The following PDE4D variants were observed in gnomAD, a reference collection of about 807,000 sequenced individuals.
PDE4D encodes the protein phosphodiesterase 4D.
PDE4D carries 24 observed loss-of-function variants against 87.4 expected under a neutral mutation model. That is an observed-to-expected ratio of 0.27 (90% CI 0.20 to 0.39). PDE4D has a LOEUF of 0.39. PDE4D is among the 10% of genes least tolerant of loss of function. The pLI is 1.00. For synonymous variants in PDE4D, 384 were observed against 383.2 expected (o/e 1.00, Z -0.02); for missense variants, 714 against 1,041.0 (o/e 0.69, Z 4.32).
chr5:60,500,240 GC>G (rs1750007495), intron 1 of PDE4D, among the ~76,000 whole-genome samples: 1 of 152,126 alleles, frequency 6.6e-6, no homozygotes, highest in Admixed American at 6.6e-5. Flanking sequence ...AAAGGTCGAG[GC>G]TGCAGTGAGC....
chr5:60,310,150 T>C (rs551806757), intron 1 of PDE4D, among the ~76,000 whole-genome samples: 1 of 152,292 alleles, frequency 6.6e-6, no homozygotes, highest in Non-Finnish European at 1.5e-5. Context: ...CCCTTTTCCT[T>C]CTTCAAATTC....
At chr5:60,392,910 C>T (rs553237081) in intron 1 of PDE4D, among the ~76,000 whole-genome samples, 1 of 152,340 alleles carries the variant, frequency 6.6e-6, no homozygotes, top group South Asian at 2.1e-4. Context: ...AGATTGTAAA[C>T]TTCTTATTCA....
At chr5:60,037,218 A>T (rs1767912265) in intron 2 of PDE4D, among the ~76,000 whole-genome samples, 1 of 152,196 alleles carries the variant, frequency 6.6e-6, no homozygotes, top group Admixed American at 6.5e-5. Flanking sequence ...GGCATTAGGG[A>T]ATATTACATG....
intron 2 of PDE4D, among the ~76,000 whole-genome samples, chr5:60,002,351 T>G (rs1248437385): frequency 6.6e-6 from 1 of 151,584 alleles, no homozygotes; most frequent in Non-Finnish European, 1.5e-5. Flanking sequence ...TTTTAAGAAT[T>G]AATACAAATG....
intron 1 of PDE4D, among the ~76,000 whole-genome samples, chr5:59,836,436 A>T (rs1742045084): frequency 6.6e-6 from 1 of 152,100 alleles, no homozygotes; most frequent in African/African-American, 2.4e-5. Context: ...AGAGATATCA[A>T]AAATAATCTC....
rs185102406 is a variant in PDE4D, at chr5:60,121,688, T to C, written c.42+63869A>G. Among the ~76,000 whole-genome samples the C allele has an allele frequency of 4.6e-5, 7 of 152,100 alleles. No homozygotes were observed. In the East Asian group the frequency reaches 1.4e-3, roughly 30 times the overall value. On this transcript the variant is annotated intron_variant, in intron 2 of 16. Transcript: ENST00000502484. The stretch of plus-strand genomic sequence containing the variant: ...TATGGGAGTACAATTCAAGATGAGA[T>C]TTGGGTGGGGACACGGAGCTAAACC...
At chr5:59,226,792 C>T (rs995438712) in intron 1 of PDE4D, among the ~76,000 whole-genome samples, 2 of 152,218 alleles carry the variant, frequency 1.3e-5, no homozygotes, top group East Asian at 3.9e-4. Context: ...ATCATGAGAA[C>T]TTCAAGTAGT....
intron 1 of PDE4D, among the ~76,000 whole-genome samples, chr5:59,334,091 A>G (rs878963337): frequency 6.6e-6 from 1 of 152,028 alleles, no homozygotes; most frequent in Non-Finnish European, 1.5e-5. Context: ...TTCCTCATAA[A>G]AGGCATACAA....
At chr5:59,758,488 T>G (rs1761562361) in intron 1 of PDE4D, among the ~76,000 whole-genome samples, 1 of 152,206 alleles carries the variant, frequency 6.6e-6, no homozygotes, top group Non-Finnish European at 1.5e-5. Context: ...TTGGAGAGTA[T>G]TTATGTCCTT....
chr5:59,751,447 G>A (rs1464332282), intron 1 of PDE4D, among the ~76,000 whole-genome samples: 1 of 152,192 alleles, frequency 6.6e-6, no homozygotes, highest in Non-Finnish European at 1.5e-5. Flanking sequence ...AAAGTGTTCA[G>A]TGCACATACT....
chr5:59,197,304 T>C (rs1296321786), intron 2 of PDE4D, among the ~76,000 whole-genome samples: 2 of 152,190 alleles, frequency 1.3e-5, no homozygotes, highest in Non-Finnish European at 2.9e-5. Flanking sequence ...CTTTTTTCCC[T>C]ATGAAAGCAT....
chr5:59,728,951 T>C (rs1393038174), intron 1 of PDE4D, among the ~76,000 whole-genome samples: 1 of 152,106 alleles, frequency 6.6e-6, no homozygotes, highest in African/African-American at 2.4e-5. Flanking sequence ...ATATTATGGC[T>C]CCCAGATGTT....
At chr5:60,056,617 A>G (rs549159814) in intron 2 of PDE4D, among the ~76,000 whole-genome samples, 3 of 152,122 alleles carry the variant, frequency 2.0e-5, no homozygotes, top group South Asian at 2.1e-4. Flanking sequence ...TCAAAGCACA[A>G]TGATATATTT....
chr5:60,482,370 T>C (rs568379062), intron 1 of PDE4D, among the ~76,000 whole-genome samples: 21 of 152,322 alleles, frequency 1.4e-4, no homozygotes, highest in Middle Eastern at 3.4e-3. Context: ...TGATACTTTG[T>C]TACAGCAGCC....
chr5:59,341,697 G>A (rs73092947), intron 1 of PDE4D, among the ~76,000 whole-genome samples: 2,677 of 152,204 alleles, frequency 0.018, 82 homozygotes, highest in African/African-American at 0.06. Flanking sequence ...TATGCATGGC[G>A]TAACTCCTAT....
In PDE4D at chr5:60,378,881, AAGAGAG is replaced by A. The variant is rs368224897; in HGVS notation, c.-90+109055_-90+109060del. Among the ~76,000 whole-genome samples, 142 of 151,030 alleles carry A rather than the reference AAGAGAG, an allele frequency of 9.4e-4. 1 individual carries two copies. Among genetic ancestry groups the A allele is most frequent in the Middle Eastern group, 6.8e-3 (2 of 294 alleles). ...AACTAAAAAGAAAAAGAAAGAAAGA[AAGAGAG>A]AGAGAGAGAGAAAGAAAGAAAGAAA... On this transcript the variant is annotated intron_variant, in intron 1 of 16. Coordinates refer to the PDE4D transcript ENST00000502484.
chr5:59,889,755 A>G (rs1378538431), intron 1 of PDE4D, among the ~76,000 whole-genome samples: 2 of 152,304 alleles, frequency 1.3e-5, no homozygotes, highest in Non-Finnish European at 1.5e-5. Context: ...TTAATCTGAT[A>G]TGTACATTTT....
chr5:59,654,137 C>T (rs1195372756), intron 1 of PDE4D, among the ~76,000 whole-genome samples: 4 of 151,930 alleles, frequency 2.6e-5, no homozygotes, highest in African/African-American at 7.3e-5. Context: ...GCCCATGAGG[C>T]GGAGGTTGCA....
chr5:60,186,835 A>G (rs114846392), intron 1 of PDE4D, among the ~76,000 whole-genome samples: 7 of 152,328 alleles, frequency 4.6e-5, no homozygotes, highest in Admixed American at 3.9e-4. Flanking sequence ...CAAAGTAACT[A>G]TGTATCATTT....
Sources: allele counts gnomAD v4.1 joint callset (sites outside exome capture counted in the v4.1 genomes callset), GRCh38; gene constraint gnomAD v4.1.1; transcripts MANE v1.5; gene names NCBI Gene and HGNC (gene_info 2026-07-23, HGNC 2026-07-21).